The following UBE2W variants were observed in gnomAD, a reference collection of about 807,000 sequenced individuals.
UBE2W encodes ubiquitin conjugating enzyme E2 W.
In UBE2W, 18 loss-of-function variants were observed where a neutral mutation model predicts 27.2. That is an observed-to-expected ratio of 0.66 (90% CI 0.46 to 0.98). UBE2W has a LOEUF of 0.98. Among genes scored for constraint, UBE2W ranks in the 50% least tolerant of loss-of-function variants. The probability of loss-of-function intolerance (pLI) is 0.00; values close to 1 mark genes in which losing one functional copy is unlikely to be tolerated. For synonymous variants in UBE2W, 53 were observed against 57.2 expected, an observed-to-expected ratio of 0.93 and a Z score of 0.33; for missense variants, 90 against 180.2, an observed-to-expected ratio of 0.50 and a Z score of 2.87.
chr8:73,802,547 C>CT (rs1186735566), intron 5 of UBE2W, among the ~76,000 whole-genome samples: 1 of 151,918 alleles, frequency 6.6e-6, no homozygotes, highest in African/African-American at 2.4e-5. Context: ...TTCTTCCTTT[C>CT]TCCAGAGAGC....
At chr8:73,843,035 C>A (rs1452353545) in intron 1 of UBE2W, among the ~76,000 whole-genome samples, 1 of 152,080 alleles carries the variant, frequency 6.6e-6, no homozygotes, top group Non-Finnish European at 1.5e-5. Context: ...CACAAATGAA[C>A]CTTGAAAACA....
At chr8:73,819,576 AG>A (rs1414167256) in intron 3 of UBE2W, among the ~76,000 whole-genome samples, 6 of 152,228 alleles carry the variant, frequency 3.9e-5, no homozygotes, top group Non-Finnish European at 8.8e-5. Flanking sequence ...AGCATAAAAA[AG>A]CAGAATATGT....
intron 5 of UBE2W, among the ~76,000 whole-genome samples, chr8:73,802,947 CT>C (rs1370342529): frequency 2.2e-4 from 34 of 152,276 alleles, no homozygotes; most frequent in African/African-American, 7.9e-4. Context: ...GGTGTGAACC[CT>C]GGGAGGTGGA....
chr8:73,790,901 C>T lies in UBE2W; in HGVS notation c.*3201G>A, dbSNP rs992644748. ...TAGAATCTGAAGAAATTATTATCCA[C>T]CACAGGAATCTAATGATATATATAT... On this transcript the variant is annotated 3_prime_UTR_variant, in exon 6 of 6. Coordinates refer to ENST00000602593, the MANE Select transcript of UBE2W (RefSeq NM_018299.6). The T allele has an allele frequency of 3.0e-6, 3 of 984,158 alleles. No individual in the cohort carries two copies. Among genetic ancestry groups the T allele is most frequent in the Non-Finnish European group, 3.6e-6 (3 of 828,932 alleles). The allele number at this position is 984,158 out of a possible 1,614,324, so 61.0% of individuals were successfully genotyped here.
chr8:73,784,541 TTA>T (rs1331352364), downstream of UBE2W, among the ~76,000 whole-genome samples: 1 of 152,164 alleles, frequency 6.6e-6, no homozygotes, highest in African/African-American at 2.4e-5. Context: ...TGTGATAACT[TTA>T]TGTCCTAGGA....
At chr8:73,826,502 C>T (rs550459531) in intron 2 of UBE2W, among the ~76,000 whole-genome samples, 14 of 152,212 alleles carry the variant, frequency 9.2e-5, no homozygotes, top group Non-Finnish European at 1.8e-4. Flanking sequence ...GTCATCACCA[C>T]GCATACTATG....
In UBE2W at chr8:73,788,118, A is replaced by T; in HGVS notation, c.*5984T>A. The T allele has an allele frequency of 1.0e-6, 1 of 983,836 alleles. No homozygotes were observed. Among genetic ancestry groups the T allele is most frequent in the Non-Finnish European group, 1.2e-6 (1 of 828,460 alleles). 60.9% of individuals were successfully genotyped at this position (983,836 alleles called of 1,614,324 possible). A position where few individuals can be genotyped will look rare whatever the true frequency, so the allele number is the denominator to read the frequency against. ...TCTATCCCATTTAGTATTCAAGTCTACAGAAAAAATCCAATAACAACTGCT... is the reference window on the plus strand; with the variant it reads ...TCTATCCCATTTAGTATTCAAGTCTTCAGAAAAAATCCAATAACAACTGCT... On this transcript the variant is annotated 3_prime_UTR_variant, in exon 6 of 6. Coordinates refer to ENST00000602593, the MANE Select transcript of UBE2W (RefSeq NM_018299.6).
chr8:73,855,943 GT>G (rs1472680206), intron 1 of UBE2W, among the ~76,000 whole-genome samples: 1 of 151,886 alleles, frequency 6.6e-6, no homozygotes, highest in Admixed American at 6.6e-5. Context: ...TTTACATATT[GT>G]TCAGCCTAAT....
chr8:73,802,403 TTA>T (rs1349911063), intron 5 of UBE2W, among the ~76,000 whole-genome samples: 2 of 152,232 alleles, frequency 1.3e-5, no homozygotes, highest in African/African-American at 4.8e-5. Flanking sequence ...CATAAACGGT[TTA>T]TTTTTAATAA....
chr8:73,873,688 C>G (rs1009269585), intron 1 of UBE2W, among the ~76,000 whole-genome samples: 1 of 152,042 alleles, frequency 6.6e-6, no homozygotes, highest in African/African-American at 2.4e-5. Context: ...TGTGAATAAT[C>G]CAAAATAATG....
chr8:73,826,911 T>C (rs1425968712), intron 2 of UBE2W, among the ~76,000 whole-genome samples: 2 of 152,214 alleles, frequency 1.3e-5, no homozygotes, highest in African/African-American at 2.4e-5. Flanking sequence ...AAAAGCTGCA[T>C]ACAAAACAAA....
intron 1 of UBE2W, among the ~76,000 whole-genome samples, chr8:73,859,323 T>C (rs1401640610): frequency 6.6e-6 from 1 of 152,072 alleles, no homozygotes; most frequent in Non-Finnish European, 1.5e-5. Flanking sequence ...CTGGCCAACA[T>C]GGTGAAACCT....
intron 5 of UBE2W, among the ~76,000 whole-genome samples, chr8:73,801,800 C>T (rs1030309738): frequency 2.0e-5 from 3 of 152,132 alleles, no homozygotes; most frequent in African/African-American, 7.2e-5. Context: ...TATTTGGAAA[C>T]CTTGTCAAAT....
rs1460154311 is a variant in UBE2W, at chr8:73,847,135, T to G, written c.16-16663A>C. ...AGTGAGCCAAGATTGCGCCACCGCA[T>G]TCCAGCCTGGGCGACAGAGTGAGAC... On this transcript the variant is annotated intron_variant, in intron 1 of 5. Transcript: ENST00000602593. Among the ~76,000 whole-genome samples the G allele has an allele frequency of 2.0e-5, 3 of 152,050 alleles. No homozygotes were observed. In the East Asian group the frequency reaches 5.8e-4, roughly 29 times the overall value.
intron 1 of UBE2W, among the ~76,000 whole-genome samples, chr8:73,856,443 C>T (rs1811305589): frequency 1.5e-5 from 2 of 137,886 alleles, no homozygotes; most frequent in Admixed American, 1.7e-4. Context: ...TGGCTCACTG[C>T]AACCTCCACC....
intron 4 of UBE2W, among the ~76,000 whole-genome samples, chr8:73,807,526 A>T (rs1268574307): frequency 1.3e-5 from 2 of 152,208 alleles, no homozygotes; most frequent in Non-Finnish European, 2.9e-5. Context: ...ATTAGAGCAT[A>T]AGACAGTCAA....
rs1808060321 is a variant in UBE2W at position 73,788,567 on chromosome 8, A to G, written c.*5535T>C. 5 of 985,314 alleles carry G rather than the reference A, an allele frequency of 5.1e-6. No individual in the cohort carries two copies. The highest frequency in any genetic ancestry group is 6.0e-6 in the Non-Finnish European group (5 of 829,930). The allele number at this position is 985,314 out of a possible 1,614,324, so 61.0% of individuals were successfully genotyped here. ...AAAAGATGCATTTTCATGGTATCTG[A>G]CACAATTTACCAAGTTCCTTATGGT... On this transcript the variant is annotated 3_prime_UTR_variant, in exon 6 of 6. Transcript: ENST00000602593.
intron 1 of UBE2W, among the ~76,000 whole-genome samples, chr8:73,874,160 G>A (rs989568827): frequency 6.6e-5 from 10 of 152,188 alleles, no homozygotes; most frequent in Admixed American, 5.9e-4. Flanking sequence ...GGCCGGGCGC[G>A]GTGGCTGACG....
rs1267971469 is a variant in UBE2W, at chr8:73,791,267, G to GAA, written c.*2833_*2834dup. 73 of 817,938 alleles carry GAA rather than the reference G, an allele frequency of 8.9e-5. No individual in the cohort carries two copies. The highest frequency in any genetic ancestry group is 2.3e-4 in the South Asian group (4 of 17,430). 50.7% of individuals were successfully genotyped at this position (817,938 alleles called of 1,614,324 possible). On this transcript the variant is annotated 3_prime_UTR_variant, in exon 6 of 6. Coordinates refer to ENST00000602593, the MANE Select transcript of UBE2W (RefSeq NM_018299.6). ...TGGCATTAATCCCTACTTGACCAAA[G>GAA]AAAAAAAAAAAAAAGAAGGGCATCA...
Sources: allele counts gnomAD v4.1 joint callset (sites outside exome capture counted in the v4.1 genomes callset), GRCh38; gene constraint gnomAD v4.1.1; transcripts MANE v1.5; gene names NCBI Gene and HGNC (gene_info 2026-07-23, HGNC 2026-07-21).